The following ENTPD4 variants were observed in gnomAD, a reference collection of about 807,000 sequenced individuals.
ENTPD4 encodes ectonucleoside triphosphate diphosphohydrolase 4.
A neutral mutation model predicts 79.1 loss-of-function variants in ENTPD4; 60 were observed. That is an observed-to-expected ratio of 0.76 (90% CI 0.62 to 0.94). ENTPD4 has a LOEUF of 0.94. Among genes scored for constraint, ENTPD4 ranks in the 40% least tolerant of loss-of-function variants. The probability of loss-of-function intolerance (pLI) is 0.00; values close to 1 mark genes in which losing one functional copy is unlikely to be tolerated. For synonymous variants in ENTPD4, 276 were observed against 292.0 expected (o/e 0.95, Z 0.56); for missense variants, 772 against 775.1 (o/e 1.00, Z 0.05).
chr8:23,435,796 AAGCAGTATTTT>A, intron 10 of ENTPD4, among the ~76,000 whole-genome samples: 1 of 152,356 alleles, frequency 6.6e-6, no homozygotes, highest in African/African-American at 2.4e-5. Flanking sequence ...TGGAAAAGTG[AAGCAGTATTTT>A]AGCTACTTCA....
At position 23,431,184 on chromosome 8, in the gene ENTPD4, A is replaced by G. The variant is rs1800448499; in HGVS notation, c.*1742T>C. On this transcript the variant is annotated 3_prime_UTR_variant, in exon 13 of 13. Transcript: ENST00000358689. ...CTCAGCAGAACTGCCCCTAATGCTC[A>G]GTTCATGGCAATACAGGCCTTTTCT... is the stretch of plus-strand genomic sequence containing the variant. The G allele has an allele frequency of 5.5e-6, 2 of 365,212 alleles. No individual in the cohort carries two copies. Among genetic ancestry groups the G allele is most frequent in the Non-Finnish European group, 3.8e-6 (1 of 263,510 alleles). 22.6% of individuals were successfully genotyped at this position (365,212 alleles called of 1,614,324 possible).
At chr8:23,436,158 G>A (rs535252462) in intron 10 of ENTPD4, among the ~76,000 whole-genome samples, 247 of 152,306 alleles carry the variant, frequency 1.6e-3, no homozygotes, top group African/African-American at 5.8e-3. Context: ...GAGAAGTCGC[G>A]GAGAGCGTGA....
At chr8:23,439,727 C>T in intron 9 of ENTPD4, 22 bp downstream of exon 9, 1 of 1,611,906 alleles carries the variant, frequency 6.2e-7, no homozygotes, top group Non-Finnish European at 8.5e-7. Context: ...AAATGACTGC[C>T]AAGTAGTGAA....
chr8:23,434,474 G>A lies in ENTPD4; in HGVS notation c.1465C>T (p.Gln489Ter). 6.2e-7 allele frequency: 1 copy of A among 1,614,038 alleles called. No individual in the cohort carries two copies. Among genetic ancestry groups the A allele is most frequent in the Non-Finnish European group, 8.5e-7 (1 of 1,179,982 alleles). Reference protein sequence around the residue: ...SHADLHRLKYQCFKSAWMFEV... With the variant: ...SHADLHRLKY ...AACATCCAGGCCGATTTGAAGCACT[G>A]ATACCTACAAACGGCAAGCACAAAG... The change falls in exon 12 of 13, where the codon CAG becomes TAG. Residue 489 changes from glutamine (Q) to a stop codon, truncating the protein, a stop_gained. Coordinates refer to ENST00000358689, the MANE Select transcript of ENTPD4 (RefSeq NM_004901.5). LOFTEE classifies it high-confidence loss of function.
chr8:23,457,276 C>T (rs1800975543), intron 1 of ENTPD4, among the ~76,000 whole-genome samples: 1 of 151,900 alleles, frequency 6.6e-6, no homozygotes, highest in African/African-American at 2.4e-5. Flanking sequence ...CCCGAGCGGT[C>T]ACCCGAGGCG....
Position 23,434,298 on chromosome 8 carries a change from C to T in ENTPD4, c.1622+19G>A. On this transcript the variant is annotated intron_variant, in intron 12 of 12. Coordinates refer to ENST00000358689, the MANE Select transcript of ENTPD4 (RefSeq NM_004901.5). ...GAAAAGCATCTTTTTGATTCTCGTTCCCAAATTCACAGCCCTACCTTAATG... is the reference window on the plus strand; with the variant it reads ...GAAAAGCATCTTTTTGATTCTCGTTTCCAAATTCACAGCCCTACCTTAATG... The T allele has an allele frequency of 6.2e-7, 1 of 1,606,904 alleles. No homozygotes were observed. The highest frequency in any genetic ancestry group is 1.1e-5 in the South Asian group (1 of 90,870).
chr8:23,452,692 G>T (rs974185104), intron 1 of ENTPD4, among the ~76,000 whole-genome samples: 1 of 152,036 alleles, frequency 6.6e-6, no homozygotes, highest in African/African-American at 2.4e-5. Flanking sequence ...CCCCTCCTAC[G>T]TACCCTAGGC....
intron 1 of ENTPD4, among the ~76,000 whole-genome samples, chr8:23,454,106 T>C (rs996627203): frequency 6.6e-6 from 1 of 152,236 alleles, no homozygotes; most frequent in South Asian, 2.1e-4. Context: ...GGCTTGCCTA[T>C]ATTTTTCAAA....
intron 4 of ENTPD4, among the ~76,000 whole-genome samples, chr8:23,446,603 C>T (rs185172211): frequency 4.5e-4 from 68 of 152,250 alleles, no homozygotes; most frequent in Non-Finnish European, 1.0e-4. Flanking sequence ...AAGTGAGGTA[C>T]AGACTTTAGA....
At chr8:23,443,628 TGTG>T (rs577164747) in intron 6 of ENTPD4, among the ~76,000 whole-genome samples, 56 of 152,360 alleles carry the variant, frequency 3.7e-4, no homozygotes, top group African/African-American at 1.3e-3. Flanking sequence ...TGTCACTACA[TGTG>T]GTGAAGACAA....
At position 23,431,599 on chromosome 8, in the gene ENTPD4, A is replaced by G; in HGVS notation, c.*1327T>C. On this transcript the variant is annotated 3_prime_UTR_variant, in exon 13 of 13. Transcript: ENST00000358689. ...TGGATTTACAGTGGTGCTGCCAGCAACAGCCTCAGTCAATGCGGTTAGGAA... is the reference window on the plus strand; with the variant it reads ...TGGATTTACAGTGGTGCTGCCAGCAGCAGCCTCAGTCAATGCGGTTAGGAA... The G allele has an allele frequency of 4.1e-6, 4 of 985,446 alleles. No homozygotes were observed. The highest frequency in any genetic ancestry group is 4.8e-6 in the Non-Finnish European group (4 of 829,938). 61.0% of individuals were successfully genotyped at this position (985,446 alleles called of 1,614,324 possible).
chr8:23,436,682 A>T (rs1285834658), intron 10 of ENTPD4, among the ~76,000 whole-genome samples: 2 of 152,116 alleles, frequency 1.3e-5, no homozygotes, highest in Non-Finnish European at 2.9e-5. Flanking sequence ...GACATAAAAG[A>T]CTGTAATTTG....
At chr8:23,449,723 G>C (rs541163245) in intron 2 of ENTPD4, among the ~76,000 whole-genome samples, 170 bp downstream of exon 2, 7 of 152,284 alleles carry the variant, frequency 4.6e-5, no homozygotes, top group African/African-American at 1.7e-4. Context: ...ACCTTGAAGA[G>C]TGCTTCATGC....
chr8:23,441,074 G>A (rs1319127597), intron 8 of ENTPD4, among the ~76,000 whole-genome samples: 1 of 152,200 alleles, frequency 6.6e-6, no homozygotes, highest in African/African-American at 2.4e-5. Context: ...AGACAAGGCT[G>A]CCCAGGCAGC....
Position 23,431,053 on chromosome 8 carries a change from T to A in ENTPD4, c.*1873A>T. 1 of 868,806 alleles carries A rather than the reference T, an allele frequency of 1.2e-6. No individual in the cohort carries two copies. The allele number at this position is 868,806 out of a possible 1,614,324, so 53.8% of individuals were successfully genotyped here. The stretch of plus-strand genomic sequence containing the variant: ...GAGCCATGCCCCCACAGCTCTTGCC[T>A]CAAGGATCAGATGCATTTTACCTTC... On this transcript the variant is annotated 3_prime_UTR_variant, in exon 13 of 13. Coordinates refer to ENST00000358689, the MANE Select transcript of ENTPD4 (RefSeq NM_004901.5).
rs557717395 is a variant in ENTPD4 at position 23,453,284 on chromosome 8, A to G, written c.-97-3287T>C. Among the ~76,000 whole-genome samples, 3 of 152,338 alleles carry G rather than the reference A, an allele frequency of 2.0e-5. No homozygotes were observed. The East Asian group carries it at 5.8e-4, about 29-fold the overall frequency. Reference sequence around the variant, plus strand: ...ATTTAAAAGTTTACACAAAAAGTAAAAAGAAAAAAAAATCAATGATCTAGA... The same window carrying G: ...ATTTAAAAGTTTACACAAAAAGTAAGAAGAAAAAAAAATCAATGATCTAGA... On this transcript the variant is annotated intron_variant, in intron 1 of 12. Coordinates refer to ENST00000358689, the MANE Select transcript of ENTPD4 (RefSeq NM_004901.5).
chr8:23,436,821 G>T, intron 10 of ENTPD4, 113 bp downstream of exon 10: 1 of 862,616 alleles, frequency 1.2e-6, no homozygotes, highest in Non-Finnish European at 1.8e-6. Context: ...ATGCTGCAGT[G>T]CAGCCTTCTA....
At position 23,441,928 on chromosome 8, in the gene ENTPD4, GCT is replaced by G. The variant is rs982758931; in HGVS notation, c.727+77_727+78del. Reference sequence around the variant, plus strand: ...ACGCTTAGGAGTGTCACAAAGCTTAGCTCTTTTTTCAGCCTTTGGATTAAACA... The same window carrying G: ...ACGCTTAGGAGTGTCACAAAGCTTAGCTTTTTTCAGCCTTTGGATTAAACA... On this transcript the variant is annotated intron_variant, in intron 7 of 12. Coordinates refer to ENST00000358689, the MANE Select transcript of ENTPD4 (RefSeq NM_004901.5). 4.9e-5 allele frequency: 65 copies of G among 1,322,260 alleles called. No individual in the cohort carries two copies. The African/African-American group carries it at 7.4e-4, about 15-fold the overall frequency. 81.9% of individuals were successfully genotyped at this position (1,322,260 alleles called of 1,614,324 possible).
intron 4 of ENTPD4, among the ~76,000 whole-genome samples, chr8:23,445,642 A>G (rs188224333): frequency 3.0e-4 from 46 of 152,316 alleles, no homozygotes; most frequent in African/African-American, 9.9e-4. Flanking sequence ...AGAACCCTGA[A>G]GACAACTCTT....
Sources: gnomAD v4.1 joint callset for allele counts (sites outside exome capture counted in the v4.1 genomes callset) on GRCh38, gnomAD v4.1.1 for gene constraint, MANE v1.5 for transcripts, NCBI Gene and HGNC (gene_info 2026-07-23, HGNC 2026-07-21) for gene names.